The following GRM7 variants were observed in gnomAD, a reference collection of about 807,000 sequenced individuals.
GRM7 encodes glutamate metabotropic receptor 7, also known as metabotropic glutamate receptor 7.
GRM7 carries 35 observed loss-of-function variants against 84.5 expected under a neutral mutation model. That is an observed-to-expected ratio of 0.41 (90% CI 0.32 to 0.55). GRM7 has a LOEUF of 0.55. GRM7 is among the 20% of genes least tolerant of loss of function. GRM7 has a pLI of 0.19. For missense variants in GRM7, 1,003 were observed against 1,194.6 expected, an observed-to-expected ratio of 0.84 and a Z score of 2.36; for synonymous variants, 487 against 455.1, an observed-to-expected ratio of 1.07 and a Z score of -0.89.
intron 2 of GRM7, among the ~76,000 whole-genome samples, chr3:7,193,591 A>T (rs980843548): frequency 1.3e-5 from 2 of 152,050 alleles, no homozygotes; most frequent in Non-Finnish European, 2.9e-5. Context: ...TGAACATCAC[A>T]TCCTTTAAAA....
chr3:7,439,160 A>G (rs922529210), intron 5 of GRM7, among the ~76,000 whole-genome samples: 2 of 152,206 alleles, frequency 1.3e-5, no homozygotes, highest in Admixed American at 6.5e-5. Context: ...AAAATTGTCC[A>G]TAGGTCTCTC....
At chr3:7,614,755 T>A (rs1371377285) in intron 8 of GRM7, among the ~76,000 whole-genome samples, 1 of 152,194 alleles carries the variant, frequency 6.6e-6, no homozygotes, top group Non-Finnish European at 1.5e-5. Context: ...TAAAAATTAT[T>A]ACTTTCATCA....
intron 2 of GRM7, among the ~76,000 whole-genome samples, chr3:7,271,795 T>A (rs750772334): frequency 6.6e-6 from 1 of 152,144 alleles, no homozygotes. Context: ...AGAAAGCTGC[T>A]TCCTGTTTCC....
intron 1 of GRM7, among the ~76,000 whole-genome samples, chr3:6,867,300 A>G (rs1294745182): frequency 1.3e-5 from 2 of 152,174 alleles, no homozygotes; most frequent in Non-Finnish European, 2.9e-5. Flanking sequence ...TTTAAACATA[A>G]TTCTTTTAGC....
chr3:7,527,858 C>T (rs935693596), intron 7 of GRM7, among the ~76,000 whole-genome samples: 1 of 151,970 alleles, frequency 6.6e-6, no homozygotes, highest in African/African-American at 2.4e-5. Flanking sequence ...AGTAAACTTG[C>T]ATGTCAGAAA....
chr3:7,512,229 C>G (rs1373606342), intron 7 of GRM7, among the ~76,000 whole-genome samples: 1 of 152,044 alleles, frequency 6.6e-6, no homozygotes, highest in Non-Finnish European at 1.5e-5. Context: ...CAGTGGCAAG[C>G]CTGTTTTACT....
intron 1 of GRM7, among the ~76,000 whole-genome samples, chr3:6,940,425 A>G (rs866732670): frequency 3.3e-5 from 5 of 152,184 alleles, no homozygotes; most frequent in Non-Finnish European, 1.5e-5. Flanking sequence ...GTTCTTACTC[A>G]ACAAACATAA....
chr3:7,527,529 C>A (rs1164222920), intron 7 of GRM7, among the ~76,000 whole-genome samples: 1 of 151,872 alleles, frequency 6.6e-6, no homozygotes, highest in East Asian at 1.9e-4. Context: ...CTTTGTATTG[C>A]CTGATGGCTC....
chr3:7,475,809 T>A (rs1366849836), intron 7 of GRM7, among the ~76,000 whole-genome samples: 1 of 152,174 alleles, frequency 6.6e-6, no homozygotes, highest in Non-Finnish European at 1.5e-5. Context: ...TATCATGGAG[T>A]ATTCAAGATT....
At chr3:7,178,918 TAAAAATACAAAAATACAA>T (rs2125095144) in intron 2 of GRM7, among the ~76,000 whole-genome samples, 1 of 146,478 alleles carries the variant, frequency 6.8e-6, no homozygotes, top group East Asian at 2.0e-4. Flanking sequence ...CCATCTCTAC[TAAAAATACAAAAATACAA>T]AAAAATACAA....
chr3:7,477,361 A>G (rs1008314037), intron 7 of GRM7, among the ~76,000 whole-genome samples: 7 of 152,142 alleles, frequency 4.6e-5, no homozygotes, highest in African/African-American at 1.7e-4. Context: ...GACAGATACT[A>G]AGGAAGCACT....
chr3:7,109,018 C>T (rs937701148), intron 1 of GRM7, among the ~76,000 whole-genome samples: 79 of 151,976 alleles, frequency 5.2e-4, no homozygotes, highest in African/African-American at 1.8e-3. Context: ...AAAATTCTTT[C>T]GGGATGGAGT....
intron 2 of GRM7, among the ~76,000 whole-genome samples, chr3:7,169,172 G>A (rs867985669): frequency 2.6e-5 from 4 of 151,990 alleles, no homozygotes; most frequent in South Asian, 2.1e-4. Flanking sequence ...CATCTTGTCC[G>A]GGGTCATCAA....
intron 1 of GRM7, among the ~76,000 whole-genome samples, chr3:7,009,173 T>A (rs1695286673): frequency 6.6e-6 from 1 of 152,236 alleles, no homozygotes; most frequent in African/African-American, 2.4e-5. Flanking sequence ...AAACAACTGG[T>A]GCCTAAACTT....
chr3:7,541,896 A>G (rs573591675), intron 7 of GRM7, among the ~76,000 whole-genome samples: 7 of 152,176 alleles, frequency 4.6e-5, no homozygotes, highest in Non-Finnish European at 7.3e-5. Flanking sequence ...GAGCATTGCC[A>G]TACTCTATCA....
At chr3:6,919,499 C>T (rs1250093279) in intron 1 of GRM7, among the ~76,000 whole-genome samples, 2 of 151,402 alleles carry the variant, frequency 1.3e-5, no homozygotes, top group African/African-American at 2.4e-5. Flanking sequence ...TGAGCCACCG[C>T]ACCTGGCCAG....
intron 7 of GRM7, among the ~76,000 whole-genome samples, chr3:7,529,328 A>G (rs891305551): frequency 1.3e-5 from 2 of 151,846 alleles, no homozygotes; most frequent in African/African-American, 4.9e-5. Flanking sequence ...TCTTTGTGAT[A>G]GCTTCTGGTT....
chr3:7,115,656 C>G (rs1693006486), intron 1 of GRM7, among the ~76,000 whole-genome samples: 1 of 152,110 alleles, frequency 6.6e-6, no homozygotes, highest in African/African-American at 2.4e-5. Context: ...TCATTCAGGA[C>G]AGGTAGCTGT....
intron 7 of GRM7, among the ~76,000 whole-genome samples, chr3:7,467,251 C>A (rs1168841719): frequency 6.6e-6 from 1 of 152,120 alleles, no homozygotes; most frequent in Non-Finnish European, 1.5e-5. Context: ...CCACACCCAG[C>A]TAATTTTTTG....
Sources: allele counts gnomAD v4.1 joint callset (sites outside exome capture counted in the v4.1 genomes callset), GRCh38; gene constraint gnomAD v4.1.1; transcripts MANE v1.5; gene names NCBI Gene and HGNC (gene_info 2026-07-23, HGNC 2026-07-21).